The following MYT1L variants were observed in gnomAD, a reference collection of about 807,000 sequenced individuals.
MYT1L encodes myelin transcription factor 1 like.
In MYT1L, 12 loss-of-function variants were observed where a neutral mutation model predicts 126.7. That is an observed-to-expected ratio of 0.09 (90% CI 0.06 to 0.15). The LOEUF (loss-of-function observed/expected upper bound fraction) is 0.15, where lower values mean the gene tolerates loss of function less well. Among genes scored for constraint, MYT1L ranks in the 10% least tolerant of loss-of-function variants. The pLI is 1.00. For missense variants in MYT1L, 979 were observed against 1,585.2 expected (o/e 0.62, Z 6.49); for synonymous variants, 541 against 604.2 (o/e 0.90, Z 1.53).
intron 16 of MYT1L, among the ~76,000 whole-genome samples, chr2:1,888,396 AAATC>A (rs1325663678): frequency 6.6e-6 from 1 of 152,234 alleles, no homozygotes; most frequent in Non-Finnish European, 1.5e-5. Flanking sequence ...CTGGATATTG[AAATC>A]AATTTGAAGA....
chr2:2,002,116 T>A (rs2062450757), intron 4 of MYT1L, among the ~76,000 whole-genome samples: 1 of 152,208 alleles, frequency 6.6e-6, no homozygotes, highest in Non-Finnish European at 1.5e-5. Context: ...CCATTCTACT[T>A]CTTTTTATTG....
chr2:2,147,941 G>C (rs2148264560), intron 3 of MYT1L, among the ~76,000 whole-genome samples: 1 of 152,348 alleles, frequency 6.6e-6, no homozygotes, highest in South Asian at 2.1e-4. Flanking sequence ...TCAAGAAAGA[G>C]CCACAGACAC....
intron 9 of MYT1L, among the ~76,000 whole-genome samples, chr2:1,928,438 A>G (rs1007669792): frequency 2.0e-5 from 3 of 152,120 alleles, no homozygotes; most frequent in African/African-American, 7.2e-5. Flanking sequence ...GAAACAGCAG[A>G]GCTGGAGCCA....
At chr2:2,143,290 A>C (rs1001562141) in intron 3 of MYT1L, among the ~76,000 whole-genome samples, 10 of 124,848 alleles carry the variant, frequency 8.0e-5, no homozygotes, top group African/African-American at 2.5e-4. Flanking sequence ...ACTCCGTCTC[A>C]AAAAAAAAAA....
At chr2:2,309,916 A>G (rs1355489769) in intron 1 of MYT1L, among the ~76,000 whole-genome samples, 2 of 151,880 alleles carry the variant, frequency 1.3e-5, no homozygotes, top group Admixed American at 1.3e-4. Context: ...ACACTTCAGT[A>G]TACTGTATCT....
chr2:2,222,847 AAAAT>A (rs1183810329), intron 2 of MYT1L, among the ~76,000 whole-genome samples: 1 of 152,254 alleles, frequency 6.6e-6, no homozygotes, highest in Non-Finnish European at 1.5e-5. Context: ...CATCAAATAA[AAAAT>A]AAACTCTTAC....
chr2:1,892,439 C>A (rs1446255189), intron 14 of MYT1L, among the ~76,000 whole-genome samples, 152 bp from the exon 15 acceptor site: 1 of 152,102 alleles, frequency 6.6e-6, no homozygotes, highest in East Asian at 1.9e-4. Flanking sequence ...AGAAAACAAA[C>A]AACAGGCAAA....
Position 1,801,765 on chromosome 2 carries a change from A to G in MYT1L, c.3207T>C (p.Asp1069=), listed in dbSNP as rs756986190. The G allele has an allele frequency of 6.2e-7, 1 of 1,610,926 alleles. No homozygotes were observed. Among genetic ancestry groups the G allele is most frequent in the East Asian group, 2.2e-5 (1 of 44,838 alleles). ...ATTCATTTAGCTCCTTGATTTCTTC[A>G]TCTAACTGTTTGATTTCTTCATCAT... is the stretch of plus-strand genomic sequence containing the variant. ...IENDEEIKQL[D]EEIKELNESN... Residue 1069 remains aspartate (D), a synonymous_variant, in exon 23 of 25, where the codon GAT becomes GAC. Transcript: ENST00000647738. This position sits in a 1 kb window ranked among gnomAD's most constrained non-coding sequence, Gnocchi z 4.2.
In MYT1L at chr2:2,165,034, T is replaced by A. The variant is rs1290837017; in HGVS notation, c.-304+7838A>T. 3.3e-5 allele frequency among the ~76,000 whole-genome samples: 5 copies of A among 152,168 alleles called. No homozygotes were observed. The East Asian group carries it at 9.6e-4, about 29-fold the overall frequency. On this transcript the variant is annotated intron_variant, in intron 3 of 24. Transcript: ENST00000647738. ...CTGTAGGTAAGGGGCAGTCAAGGCC[T>A]GCCAGCTGCTTTCCTGGATGAGTCT... is the stretch of plus-strand genomic sequence containing the variant.
At chr2:1,983,948 C>A (rs190650073) in intron 5 of MYT1L, among the ~76,000 whole-genome samples, 1 of 152,126 alleles carries the variant, frequency 6.6e-6, no homozygotes, top group Admixed American at 6.6e-5. Context: ...ATTTTGAAGT[C>A]TAATATTTAT....
At chr2:2,041,716 AGAAGG>A (rs1356318943) in intron 4 of MYT1L, among the ~76,000 whole-genome samples, 3 of 152,158 alleles carry the variant, frequency 2.0e-5, no homozygotes, top group East Asian at 3.9e-4. Context: ...TTTTCCGGAA[AGAAGG>A]GAAGGGCCTG....
chr2:1,810,098 TG>T (rs2036350399), intron 21 of MYT1L: 1 of 150,260 alleles, frequency 6.7e-6, no homozygotes, highest in African/African-American at 2.5e-5. Flanking sequence ...CACTTAACTA[TG>T]GGTGAGGTGA....
rs1052545744 is a variant in MYT1L at position 2,186,235 on chromosome 2, G to T, written c.-420-13247C>A. 1.4e-5 allele frequency among the ~76,000 whole-genome samples: 2 copies of T among 144,236 alleles called. 1 individual carries two copies. The highest frequency in any genetic ancestry group is 5.5e-5 in the African/African-American group (2 of 36,238). 94.6% of individuals were successfully genotyped at this position (144,236 alleles called of 152,430 possible). On this transcript the variant is annotated intron_variant, in intron 2 of 24. Coordinates refer to ENST00000647738, the MANE Select transcript of MYT1L (RefSeq NM_001303052.2). ...CCCGAGTCCCGCGTTCCTTACGTGA[G>T]GGGGACGCAGCCAGGCCTTCCGGGC...
At chr2:1,967,266 G>T (rs1354881909) in intron 8 of MYT1L, among the ~76,000 whole-genome samples, 1 of 152,238 alleles carries the variant, frequency 6.6e-6, no homozygotes, top group Admixed American at 6.5e-5. Context: ...AGGTTCTAAA[G>T]TGTTTCAAAT....
chr2:2,039,254 A>C (rs1335506436), intron 4 of MYT1L, among the ~76,000 whole-genome samples: 1 of 152,016 alleles, frequency 6.6e-6, no homozygotes, highest in Admixed American at 6.6e-5. Flanking sequence ...CATTCTACCT[A>C]TGTCTAGGCA....
intron 8 of MYT1L, among the ~76,000 whole-genome samples, chr2:1,978,925 G>C (rs2060383204): frequency 6.6e-6 from 1 of 152,118 alleles, no homozygotes; most frequent in Admixed American, 6.5e-5. Context: ...ATGAGCTTAA[G>C]GCTGGCCTGA....
chr2:2,191,644 G>A (rs2092594535), intron 2 of MYT1L, among the ~76,000 whole-genome samples: 1 of 152,156 alleles, frequency 6.6e-6, no homozygotes, highest in African/African-American at 2.4e-5. Flanking sequence ...AGGTGGTAGG[G>A]CTTCAGTAAA....
intron 3 of MYT1L, among the ~76,000 whole-genome samples, chr2:2,161,212 CAAACA>C (rs535774884): frequency 2.3e-4 from 35 of 152,188 alleles, no homozygotes; most frequent in Middle Eastern, 3.4e-3. Flanking sequence ...GACTCCATCT[CAAACA>C]AAACAAAACA....
chr2:2,322,853 CTT>C lies in MYT1L; in HGVS notation c.-521+8112_-521+8113del, dbSNP rs1460783132. 7.9e-5 allele frequency among the ~76,000 whole-genome samples: 12 copies of C among 152,264 alleles called. 2 individuals carry two copies. The South Asian group carries it at 2.1e-3, about 26-fold the overall frequency. On this transcript the variant is annotated intron_variant, in intron 1 of 24. Transcript: ENST00000647738. ...AAATAATGGAACTATGACTTTATGA[CTT>C]TTCTCTAGGTAAGATTTCATGAATC...
Sources: gnomAD v4.1 joint callset for allele counts (sites outside exome capture counted in the v4.1 genomes callset) on GRCh38, gnomAD v4.1.1 for gene constraint, Gnocchi (gnomAD v3.1) non-coding constraint, MANE v1.5 for transcripts, NCBI Gene and HGNC (gene_info 2026-07-23, HGNC 2026-07-21) for gene names.